The following CHCHD3 variants were observed in gnomAD, a reference collection of about 807,000 sequenced individuals.
CHCHD3 encodes MICOS complex subunit MIC19.
In CHCHD3, 20 loss-of-function variants were observed where a neutral mutation model predicts 38.2. The observed-to-expected ratio is 0.52, with a 90% confidence interval of 0.37 to 0.76. CHCHD3 has a LOEUF of 0.76. Among genes scored for constraint, CHCHD3 ranks in the 30% least tolerant of loss-of-function variants. The probability of loss-of-function intolerance (pLI) is 0.00; values close to 1 mark genes in which losing one functional copy is unlikely to be tolerated. For synonymous variants in CHCHD3, 82 were observed against 100.0 expected, an observed-to-expected ratio of 0.82 and a Z score of 1.07; for missense variants, 245 against 279.2, an observed-to-expected ratio of 0.88 and a Z score of 0.87.
chr7:132,992,391 C>G (rs1812305203), intron 3 of CHCHD3, among the ~76,000 whole-genome samples: 1 of 152,158 alleles, frequency 6.6e-6, no homozygotes, highest in Non-Finnish European at 1.5e-5. Flanking sequence ...GGAAATGCCC[C>G]TTCCTCAGAC....
chr7:132,986,445 T>C (rs1039475390), intron 3 of CHCHD3, among the ~76,000 whole-genome samples: 1 of 126,966 alleles, frequency 7.9e-6, no homozygotes, highest in African/African-American at 2.9e-5. Flanking sequence ...AAAAAGAAAA[T>C]ACAACTTCTA....
chr7:132,820,611 GTTTT>G (rs748470167), intron 6 of CHCHD3, among the ~76,000 whole-genome samples: 18 of 96,188 alleles, frequency 1.9e-4, no homozygotes, highest in East Asian at 1.0e-3. Context: ...ATGTGCTAGT[GTTTT>G]TTTTTTTTTT....
intron 2 of CHCHD3, among the ~76,000 whole-genome samples, chr7:133,054,143 A>C (rs1373251630): frequency 1.3e-5 from 2 of 152,240 alleles, no homozygotes; most frequent in African/African-American, 4.8e-5. Context: ...TGACAGAAAA[A>C]TAGCACCATT....
chr7:132,810,538 T>C (rs10435414), intron 6 of CHCHD3, among the ~76,000 whole-genome samples: 34,942 of 152,086 alleles, frequency 0.23, 4,607 homozygotes, highest in East Asian at 0.4. Context: ...GAGACTAAAA[T>C]GAACAAGACC....
At chr7:132,916,854 T>A (rs1387248401) in intron 4 of CHCHD3, among the ~76,000 whole-genome samples, 1 of 152,176 alleles carries the variant, frequency 6.6e-6, no homozygotes, top group South Asian at 2.1e-4. Flanking sequence ...GTACTGGGAT[T>A]ATAGGTGTGA....
intron 4 of CHCHD3, among the ~76,000 whole-genome samples, chr7:132,887,509 A>C (rs1435975221): frequency 6.6e-6 from 1 of 151,812 alleles, no homozygotes; most frequent in Non-Finnish European, 1.5e-5. Context: ...TCCAAAGAAG[A>C]AGCAAGTAAC....
At position 132,816,575 on chromosome 7, in the gene CHCHD3, T is replaced by C. The variant is rs138050459; in HGVS notation, c.525-19998A>G. On this transcript the variant is annotated intron_variant, in intron 6 of 7. Transcript: ENST00000262570. The stretch of plus-strand genomic sequence containing the variant: ...GACACCATCTCACATCCAACCTTCA[T>C]AATTTAGCTCCCCCCAAATCCGAGA... Among the ~76,000 whole-genome samples the C allele has an allele frequency of 2.3e-3, 350 of 152,302 alleles. 8 individuals carry two copies. The East Asian group carries it at 0.036, about 16-fold the overall frequency.
chr7:132,990,003 A>C (rs1409370743), intron 3 of CHCHD3, among the ~76,000 whole-genome samples: 1 of 151,972 alleles, frequency 6.6e-6, no homozygotes, highest in Non-Finnish European at 1.5e-5. Flanking sequence ...TGAAACCCCA[A>C]CTCTACTAAA....
chr7:132,974,603 C>T (rs953436966), intron 4 of CHCHD3, among the ~76,000 whole-genome samples: 9 of 152,102 alleles, frequency 5.9e-5, no homozygotes, highest in Non-Finnish European at 1.0e-4. Context: ...AGGCCGGGCT[C>T]GGTGGCTCAC....
intron 3 of CHCHD3, among the ~76,000 whole-genome samples, chr7:132,989,895 A>G (rs1340478699): frequency 6.6e-6 from 1 of 152,228 alleles, no homozygotes; most frequent in Non-Finnish European, 1.5e-5. Flanking sequence ...ATCAAATGTC[A>G]TAATATTCAA....
At chr7:132,803,380 G>T (rs747519605) in intron 6 of CHCHD3, among the ~76,000 whole-genome samples, 16 of 151,368 alleles carry the variant, frequency 1.1e-4, no homozygotes, top group Non-Finnish European at 2.2e-4. Flanking sequence ...TTAAATAAAG[G>T]CATGGCATTT....
intron 7 of CHCHD3, among the ~76,000 whole-genome samples, chr7:132,795,904 T>C (rs545221373): frequency 2.0e-5 from 3 of 152,342 alleles, no homozygotes; most frequent in African/African-American, 7.2e-5. Context: ...AATATGGCTA[T>C]GGTCTATAAA....
At chr7:132,973,930 G>GGTTCCGAGGA in intron 4 of CHCHD3, 1 of 1,272,906 alleles carries the variant, frequency 7.9e-7, no homozygotes, top group Non-Finnish European at 1.0e-6. Context: ...GAGGACTAAA[G>GGTTCCGAGGA]GTTCCGAGGA....
In CHCHD3 at chr7:132,929,244, C is replaced by A. The variant is rs1197957764; in HGVS notation, c.370-43499G>T. ...TGGTTCAACCAGTTTCTCACTGAGG[C>A]TCATTTCACTGGCTGTCTCTGGAAA... On this transcript the variant is annotated intron_variant, in intron 4 of 7. Coordinates refer to ENST00000262570, the MANE Select transcript of CHCHD3 (RefSeq NM_017812.4). Among the ~76,000 whole-genome samples, 5 of 152,216 alleles carry A rather than the reference C, an allele frequency of 3.3e-5. No homozygotes were observed. The East Asian group carries it at 7.7e-4, about 24-fold the overall frequency.
rs147534539 is a variant in CHCHD3, at chr7:132,792,091, A to G, written c.660+4351T>C. On this transcript the variant is annotated intron_variant, in intron 7 of 7. Transcript: ENST00000262570. The stretch of plus-strand genomic sequence containing the variant: ...TCATCTAACTGCAGGTCCCACACTG[A>G]CCTCTGTCCCTTGGGCATCTCCTGG... 1.1e-4 allele frequency among the ~76,000 whole-genome samples: 16 copies of G among 152,150 alleles called. No homozygotes were observed. In the East Asian group the frequency reaches 3.1e-3, roughly 29 times the overall value.
At chr7:133,080,726 C>T (rs537974443) in intron 1 of CHCHD3, among the ~76,000 whole-genome samples, 2 of 150,508 alleles carry the variant, frequency 1.3e-5, no homozygotes, top group Admixed American at 1.3e-4. Flanking sequence ...AGACCAAAAA[C>T]TGAGTTCGAC....
chr7:132,904,618 T>C (rs1055867328), intron 4 of CHCHD3, among the ~76,000 whole-genome samples: 2 of 152,062 alleles, frequency 1.3e-5, no homozygotes, highest in East Asian at 3.9e-4. Context: ...TGTGGAGAAA[T>C]AGGAACACTT....
intron 3 of CHCHD3, among the ~76,000 whole-genome samples, chr7:132,996,710 G>A (rs1812426160): frequency 6.6e-6 from 1 of 152,158 alleles, no homozygotes; most frequent in Non-Finnish European, 1.5e-5. Context: ...AACCTAATGT[G>A]GAAGAGATAA....
intron 3 of CHCHD3, among the ~76,000 whole-genome samples, chr7:133,001,910 G>T (rs1289454071): frequency 6.6e-6 from 1 of 152,164 alleles, no homozygotes; most frequent in African/African-American, 2.4e-5. Flanking sequence ...ACTGTACCTG[G>T]AATGAACCAT....
Sources: gnomAD v4.1 joint callset for allele counts (sites outside exome capture counted in the v4.1 genomes callset) on GRCh38, gnomAD v4.1.1 for gene constraint, MANE v1.5 for transcripts, NCBI Gene and HGNC (gene_info 2026-07-23, HGNC 2026-07-21) for gene names.